CCNB3: variants seen among roughly 807,000 people sequenced by gnomAD.
CCNB3 encodes G2/mitotic-specific cyclin-B3.
CCNB3 carries 12 observed loss-of-function variants against 68.0 expected under a neutral mutation model. The observed-to-expected ratio is 0.18, with a 90% CI of 0.11 to 0.29. The LOEUF (loss-of-function observed/expected upper bound fraction) is 0.29. CCNB3 is among the 10% of genes least tolerant of loss of function. The probability of loss-of-function intolerance (pLI) is 1.00; values close to 1 mark genes in which losing one functional copy is unlikely to be tolerated. For missense variants in CCNB3, 904 were observed against 993.1 expected, an observed-to-expected ratio of 0.91 and a Z score of 1.21; for synonymous variants, 354 against 388.9, an observed-to-expected ratio of 0.91 and a Z score of 1.06.
chrX:50,279,326 A>ATT (rs1936031339), intron 1 of CCNB3, among the ~76,000 whole-genome samples: 11 of 75,390 alleles, frequency 1.5e-4, no homozygotes, highest in African/African-American at 5.4e-4. Context: ...TATATATTTA[A>ATT]ATATATATGA....
intron 1 of CCNB3, among the ~76,000 whole-genome samples, chrX:50,209,169 T>C (rs1164888214): frequency 1.8e-5 from 2 of 111,877 alleles, no homozygotes; most frequent in Admixed American, 1.9e-4. Flanking sequence ...GTGTACAGTT[T>C]GACAAGCTTC....
At chrX:50,296,111 T>A (rs1936453356) in intron 5 of CCNB3, among the ~76,000 whole-genome samples, 1 of 111,437 alleles carries the variant, frequency 9.0e-6, no homozygotes, top group African/African-American at 3.3e-5. Context: ...ACTTTATTTT[T>A]TTATGTTTCT....
chrX:50,337,198 G>A (rs1557218974), intron 8 of CCNB3, among the ~76,000 whole-genome samples: 1 of 110,037 alleles, frequency 9.1e-6, no homozygotes, highest in African/African-American at 3.3e-5. Flanking sequence ...GTCTACTCTG[G>A]GTGGTCTAGG....
At position 50,226,191 on chromosome X, in the gene CCNB3, ATATATATAGAATATATATATT is replaced by A. The variant is rs1179750360; in HGVS notation, c.-113+21250_-113+21270del. 6.6e-4 allele frequency among the ~76,000 whole-genome samples: 43 copies of A among 64,989 alleles called. 2 individuals are homozygous for A. The highest frequency in any genetic ancestry group is 3.8e-3 in the African/African-American group (43 of 11,342). 56.4% of individuals were successfully genotyped at this position (64,989 alleles called of 115,157 possible). On this transcript the variant is annotated intron_variant, in intron 1 of 12. Transcript: ENST00000376042. ...CGAATATACATATATAGATATATAA[ATATATATAGAATATATATATT>A]TATATATATAGAATATATATATTTA...
At chrX:50,227,511 A>G (rs1433128536) in intron 1 of CCNB3, among the ~76,000 whole-genome samples, 3 of 70,376 alleles carry the variant, frequency 4.3e-5, no homozygotes, top group African/African-American at 5.2e-5. Context: ...GAATATATGT[A>G]TAAATATATA....
At chrX:50,319,647 G>GATA (rs1443247469) in intron 8 of CCNB3, among the ~76,000 whole-genome samples, 2 of 111,204 alleles carry the variant, frequency 1.8e-5, no homozygotes, top group Non-Finnish European at 3.8e-5. Flanking sequence ...TTATGATGTT[G>GATA]ATATAGATGC....
chrX:50,296,449 G>A (rs1370038011), intron 5 of CCNB3, among the ~76,000 whole-genome samples: 1 of 53,588 alleles, frequency 1.9e-5, no homozygotes, highest in Non-Finnish European at 3.4e-5. Context: ...CCCTACAAAG[G>A]ACATGAACTC....
chrX:50,299,172 T>G (rs1443399655), intron 5 of CCNB3, among the ~76,000 whole-genome samples: 2 of 111,764 alleles, frequency 1.8e-5, no homozygotes, highest in African/African-American at 6.5e-5. Flanking sequence ...TGCCTTCTGC[T>G]AGCTTTTGAA....
chrX:50,218,988 T>G (rs1378378415), intron 1 of CCNB3, among the ~76,000 whole-genome samples: 2 of 111,967 alleles, frequency 1.8e-5, no homozygotes, highest in East Asian at 5.6e-4. Context: ...AGATGGTATC[T>G]CATTGCGGTT....
At chrX:50,331,185 A>G (rs1922578078) in intron 8 of CCNB3, among the ~76,000 whole-genome samples, 1 of 111,588 alleles carries the variant, frequency 9.0e-6, no homozygotes, top group Non-Finnish European at 1.9e-5. Flanking sequence ...TTTTATGGGC[A>G]GTAGGAAGAA....
chrX:50,291,550 C>T (rs1569542458), intron 4 of CCNB3, among the ~76,000 whole-genome samples: 1 of 111,601 alleles, frequency 9.0e-6, no homozygotes, highest in Non-Finnish European at 1.9e-5. Context: ...AGGTGTGAGC[C>T]ACCACACCAA....
chrX:50,307,232 A>T (rs1054474564), intron 5 of CCNB3, among the ~76,000 whole-genome samples: 2 of 111,788 alleles, frequency 1.8e-5, no homozygotes, highest in Non-Finnish European at 3.8e-5. Flanking sequence ...TAATTTATTG[A>T]CATTCAATTG....
At chrX:50,342,430 T>G in intron 9 of CCNB3, 91 bp downstream of exon 9, 4 of 888,174 alleles carry the variant, frequency 4.5e-6, no homozygotes, top group Non-Finnish European at 6.2e-6. Context: ...CATTGTTATG[T>G]GCTGCATAAC....
At chrX:50,304,275 A>G (rs1936710770) in intron 5 of CCNB3, among the ~76,000 whole-genome samples, 1 of 111,418 alleles carries the variant, frequency 9.0e-6, no homozygotes, top group Admixed American at 9.6e-5. Context: ...GACTCCTCCA[A>G]ATTTTGTTCT....
intron 1 of CCNB3, among the ~76,000 whole-genome samples, chrX:50,279,616 A>G (rs1174470816): frequency 1.3e-5 from 1 of 75,267 alleles, no homozygotes; most frequent in South Asian, 5.1e-4. Flanking sequence ...ATGCATATGT[A>G]CATTCATCTA....
Position 50,309,211 on chromosome X carries a change from A to G in CCNB3, c.1042A>G (p.Lys348Glu), listed in dbSNP as rs782140683. ...TTEHEMSILK[K>E]SLALQKTNFK... is the part of the protein sequence containing the mutation. ...TGAGCATGAGATGTCCATCTTGAAG[A>G]AATCATTGGCCTTGCAGAAGACCAA... Residue 348 changes from lysine to glutamate, a missense_variant, in exon 6 of 13, where the codon AAA (lysine) becomes GAA (glutamate). By Grantham distance (56) the Lys-to-Glu change is moderately conservative (BLOSUM62 1). Transcript: ENST00000376042. The G allele has an allele frequency of 5.8e-6, 7 of 1,208,055 alleles. No individual in the cohort carries two copies. The African/African-American group carries it at 1.2e-4, about 21-fold the overall frequency.
At position 50,226,508 on chromosome X, in the gene CCNB3, A is replaced by G. The variant is rs1369320338; in HGVS notation, c.-113+21558A>G. Among the ~76,000 whole-genome samples the G allele has an allele frequency of 9.7e-5, 5 of 51,766 alleles. No homozygotes were observed. The East Asian group carries it at 2.3e-3, about 24-fold the overall frequency. The allele number at this position is 51,766 out of a possible 115,157, so 45.0% of individuals were successfully genotyped here. On this transcript the variant is annotated intron_variant, in intron 1 of 12. Coordinates refer to ENST00000376042, the MANE Select transcript of CCNB3 (RefSeq NM_033031.3). ...ATATAGAATATATAAAAATATATAT[A>G]TAGAATATATAGATATATATATAGA...
chrX:50,340,573 G>A (rs1923071927), intron 8 of CCNB3, among the ~76,000 whole-genome samples: 1 of 112,644 alleles, frequency 8.9e-6, no homozygotes, highest in African/African-American at 3.2e-5. Context: ...CTCACACTTT[G>A]TTTGCCAAGC....
upstream of CCNB3, chrX:50,204,386 G>A (rs934509880): frequency 2.7e-5 from 3 of 109,411 alleles, no homozygotes; most frequent in Non-Finnish European, 3.8e-5. Context: ...CTCAATTCAC[G>A]CACAGCCTTA....
Sources: allele counts gnomAD v4.1 joint callset (sites outside exome capture counted in the v4.1 genomes callset), GRCh38; gene constraint gnomAD v4.1.1; transcripts MANE v1.5; gene names NCBI Gene and HGNC (gene_info 2026-07-23, HGNC 2026-07-21).